Variants in LHFPL6 observed in about 807,000 individuals in gnomAD.
LHFPL6 encodes LHFPL tetraspan subfamily member 6.
In LHFPL6, 9 loss-of-function variants were observed where a neutral mutation model predicts 20.6. The observed-to-expected ratio is 0.44, with a 90% CI of 0.26 to 0.76. The LOEUF is 0.76. LHFPL6 is among the 30% of genes least tolerant of loss of function. The pLI, the probability that LHFPL6 is intolerant of heterozygous loss-of-function variation, is 0.20. For missense variants in LHFPL6, 218 were observed against 253.5 expected, an observed-to-expected ratio of 0.86 and a Z score of 0.95; for synonymous variants, 105 against 98.7, an observed-to-expected ratio of 1.06 and a Z score of -0.38.
chr13:39,576,603 T>C (rs1593371052), intron 2 of LHFPL6, among the ~76,000 whole-genome samples: 1 of 152,114 alleles, frequency 6.6e-6, no homozygotes, highest in South Asian at 2.1e-4. Flanking sequence ...CTCCAGAGGG[T>C]CACACTTGTT....
chr13:39,354,167 T>C (rs559382215), intron 3 of LHFPL6, among the ~76,000 whole-genome samples: 5 of 152,250 alleles, frequency 3.3e-5, no homozygotes, highest in African/African-American at 2.4e-5. Context: ...AGCCCTTACA[T>C]GTATGCACCG....
chr13:39,546,160 G>C (rs1870977079), intron 2 of LHFPL6, among the ~76,000 whole-genome samples: 1 of 152,062 alleles, frequency 6.6e-6, no homozygotes, highest in African/African-American at 2.4e-5. Flanking sequence ...ATAGCTATTA[G>C]ACTATGAAAT....
At chr13:39,392,831 T>C (rs1447176850) in intron 2 of LHFPL6, among the ~76,000 whole-genome samples, 1 of 151,796 alleles carries the variant, frequency 6.6e-6, no homozygotes, top group East Asian at 1.9e-4. Context: ...GATATATGTG[T>C]AAAATATATT....
At chr13:39,459,478 G>C (rs991225592) in intron 2 of LHFPL6, among the ~76,000 whole-genome samples, 6 of 151,924 alleles carry the variant, frequency 3.9e-5, no homozygotes, top group African/African-American at 1.5e-4. Flanking sequence ...GTTCCACCCT[G>C]CTCAGGATCT....
intron 2 of LHFPL6, among the ~76,000 whole-genome samples, chr13:39,490,849 C>A (rs973075722): frequency 5.9e-5 from 9 of 152,106 alleles, no homozygotes; most frequent in Non-Finnish European, 1.3e-4. Context: ...ATTTAATGAA[C>A]CCTGATTTTC....
At chr13:39,423,483 G>A (rs1461752599) in intron 2 of LHFPL6, among the ~76,000 whole-genome samples, 2 of 151,744 alleles carry the variant, frequency 1.3e-5, no homozygotes, top group Admixed American at 6.6e-5. Context: ...GAACACAGTG[G>A]TACACCCTTG....
intron 2 of LHFPL6, among the ~76,000 whole-genome samples, chr13:39,577,455 A>G (rs1872151143): frequency 6.6e-6 from 1 of 152,204 alleles, no homozygotes; most frequent in South Asian, 2.1e-4. Flanking sequence ...ATGAAACTCA[A>G]TGTGCACACA....
chr13:39,481,737 G>A (rs905518475), intron 2 of LHFPL6, among the ~76,000 whole-genome samples: 2 of 152,294 alleles, frequency 1.3e-5, no homozygotes, highest in South Asian at 2.1e-4. Context: ...GCAAGGATCC[G>A]ATCATGCAAG....
intron 2 of LHFPL6, among the ~76,000 whole-genome samples, chr13:39,480,390 G>C (rs926688761): frequency 1.3e-5 from 2 of 152,144 alleles, no homozygotes; most frequent in Admixed American, 6.5e-5. Context: ...AGTTCATAGA[G>C]AGCATCTATT....
chr13:39,496,368 G>T (rs1490443257), intron 2 of LHFPL6, among the ~76,000 whole-genome samples: 1 of 151,982 alleles, frequency 6.6e-6, no homozygotes, highest in East Asian at 1.9e-4. Flanking sequence ...GCTCTTAAAG[G>T]CCCCATCTCC....
At chr13:39,357,761 A>T (rs1182460739) in intron 3 of LHFPL6, among the ~76,000 whole-genome samples, 1 of 152,222 alleles carries the variant, frequency 6.6e-6, no homozygotes, top group Admixed American at 6.5e-5. Context: ...GCCACAAAAA[A>T]TAAAATACCT....
intron 2 of LHFPL6, among the ~76,000 whole-genome samples, chr13:39,542,612 T>G (rs1870845776): frequency 6.6e-6 from 1 of 152,234 alleles, no homozygotes; most frequent in Non-Finnish European, 1.5e-5. Context: ...ACTGTCAGGA[T>G]GCCAAACCTC....
At chr13:39,549,447 A>G (rs9548813) in intron 2 of LHFPL6, among the ~76,000 whole-genome samples, 68,922 of 151,848 alleles carry the variant, frequency 0.45, 16,694 homozygotes, top group East Asian at 0.58. Flanking sequence ...TCCTAGATAC[A>G]ACACAAAAAC....
chr13:39,345,512 C>CA (rs71077225), intron 3 of LHFPL6, among the ~76,000 whole-genome samples: 6,273 of 42,954 alleles, frequency 0.15, 1,294 homozygotes, highest in Non-Finnish European at 0.2. Context: ...GACTCCATCT[C>CA]AAAAAAAAAA....
intron 2 of LHFPL6, among the ~76,000 whole-genome samples, chr13:39,553,831 C>T (rs1341135889): frequency 6.6e-5 from 10 of 152,190 alleles, no homozygotes; most frequent in Admixed American, 6.5e-4. Flanking sequence ...AACATCATTC[C>T]AGCTGAGGCC....
At chr13:39,391,478 A>ATG (rs748358926) in intron 2 of LHFPL6, among the ~76,000 whole-genome samples, 27 of 151,820 alleles carry the variant, frequency 1.8e-4, no homozygotes, top group East Asian at 1.5e-3. Flanking sequence ...ATAAGGATTT[A>ATG]TGTGTGTGTG....
intron 2 of LHFPL6, among the ~76,000 whole-genome samples, chr13:39,421,868 G>T (rs1871498504): frequency 6.6e-6 from 1 of 152,158 alleles, no homozygotes; most frequent in African/African-American, 2.4e-5. Flanking sequence ...TTTACCTGGA[G>T]AAATGCACAC....
chr13:39,481,297 C>G (rs1298341867), intron 2 of LHFPL6, among the ~76,000 whole-genome samples: 2 of 152,178 alleles, frequency 1.3e-5, no homozygotes, highest in Non-Finnish European at 2.9e-5. Flanking sequence ...TTCATAATCA[C>G]TCAACCCATA....
chr13:39,406,333 C>A (rs770118153), intron 2 of LHFPL6, among the ~76,000 whole-genome samples: 17 of 152,022 alleles, frequency 1.1e-4, no homozygotes, highest in Non-Finnish European at 1.5e-4. Context: ...GTTTCTAAAT[C>A]CAACTTAAAA....
Sources: gnomAD v4.1 joint callset for allele counts (sites outside exome capture counted in the v4.1 genomes callset) on GRCh38, gnomAD v4.1.1 for gene constraint, MANE v1.5 for transcripts, NCBI Gene and HGNC (gene_info 2026-07-23, HGNC 2026-07-21) for gene names.